The following CFAP54 variants were observed in gnomAD, a reference collection of about 807,000 sequenced individuals.
CFAP54 encodes the protein cilia- and flagella-associated protein 54.
Under a neutral mutation model 370.4 loss-of-function variants are expected in CFAP54, and 290 were observed. The observed-to-expected ratio is 0.78, with a 90% CI of 0.71 to 0.86. The LOEUF is 0.86. Among genes scored for constraint, CFAP54 ranks in the 40% least tolerant of loss-of-function variants. The probability of loss-of-function intolerance (pLI) is 0.00; values close to 1 mark genes in which losing one functional copy is unlikely to be tolerated. For synonymous variants in CFAP54, 1,206 were observed against 1,236.5 expected, an observed-to-expected ratio of 0.98 and a Z score of 0.52; for missense variants, 3,399 against 3,528.7, an observed-to-expected ratio of 0.96 and a Z score of 0.93.
At chr12:96,539,097 A>G (rs1275587524) in intron 13 of CFAP54, among the ~76,000 whole-genome samples, 13 of 80,208 alleles carry the variant, frequency 1.6e-4, no homozygotes, top group Non-Finnish European at 3.0e-4. Context: ...TTTGAGATGG[A>G]GTCTTGCTCT....
intron 20 of CFAP54, among the ~76,000 whole-genome samples, chr12:96,579,208 A>G (rs1359375169): frequency 1.4e-5 from 2 of 147,788 alleles, no homozygotes; most frequent in Non-Finnish European, 3.0e-5. Flanking sequence ...TTTCTACCCT[A>G]TTCTCCAGCT....
At chr12:96,600,443 T>G (rs111337108) in intron 26 of CFAP54, among the ~76,000 whole-genome samples, 13,444 of 152,246 alleles carry the variant, frequency 0.088, 777 homozygotes, top group Middle Eastern at 0.14. Context: ...TTGTTCTTTT[T>G]GCTTAGGATT....
chr12:96,667,730 G>T (rs889870978), intron 39 of CFAP54, among the ~76,000 whole-genome samples: 3 of 152,204 alleles, frequency 2.0e-5, no homozygotes, highest in African/African-American at 7.2e-5. Flanking sequence ...TTTCCCCATT[G>T]CCTTGGTGAG....
chr12:96,827,055 G>GATTATATATAATATGCA (rs1959125003), intron 65 of CFAP54, among the ~76,000 whole-genome samples: 2 of 137,442 alleles, frequency 1.5e-5, no homozygotes, highest in Non-Finnish European at 3.1e-5. Context: ...AATTATATGT[G>GATTATATATAATATGCA]ATTATATATA....
chr12:96,788,390 G>T (rs1010404370), intron 62 of CFAP54, among the ~76,000 whole-genome samples: 1 of 152,170 alleles, frequency 6.6e-6, no homozygotes, highest in Non-Finnish European at 1.5e-5. Flanking sequence ...ATACATATCT[G>T]TGAAATGAAT....
chr12:96,518,928 G>T lies in CFAP54; in HGVS notation c.799G>T (p.Ala267Ser). The change falls in exon 6 of 68, where the codon GCC becomes TCC. Residue 267 changes from alanine (A) to serine (S), a missense_variant and splice_region_variant. Coordinates refer to ENST00000524981, the MANE Select transcript of CFAP54 (RefSeq NM_001306084.2). ...TCCAATGGTGCCCTTTATTTTGCAG[G>T]CCTTAGAGTATCTCCTGTGGGCCAG... is the stretch of plus-strand genomic sequence containing the variant. ...KLMVIGQSSKALEYLLWASMC... is the reference protein window; with the variant it reads ...KLMVIGQSSKSLEYLLWASMC... 1.3e-6 allele frequency: 2 copies of T among 1,531,378 alleles called. No individual in the cohort carries two copies. The highest frequency in any genetic ancestry group is 1.7e-6 in the Non-Finnish European group (2 of 1,144,176). 94.9% of individuals were successfully genotyped at this position (1,531,378 alleles called of 1,614,324 possible). A position where few individuals can be genotyped will look rare whatever the true frequency, so the allele number is the denominator to read the frequency against.
intron 32 of CFAP54, among the ~76,000 whole-genome samples, chr12:96,636,558 T>A (rs569446945): frequency 6.6e-6 from 1 of 152,234 alleles, no homozygotes; most frequent in South Asian, 2.1e-4. Context: ...TTTTTAGTCT[T>A]TGCAAAGAAC....
chr12:96,811,882 A>G (rs1309374563), intron 64 of CFAP54, 40 bp downstream of exon 64: 1 of 1,215,120 alleles, frequency 8.2e-7, no homozygotes, highest in East Asian at 2.6e-5. Flanking sequence ...CTTTGTTGTT[A>G]TCTCTCACGA....
intron 66 of CFAP54, among the ~76,000 whole-genome samples, chr12:96,853,609 G>C (rs1959617487): frequency 1.3e-5 from 2 of 152,070 alleles, no homozygotes; most frequent in Non-Finnish European, 2.9e-5. Flanking sequence ...GGAAAATATA[G>C]AGCACTGTAT....
chr12:96,724,830 T>A (rs1957809736), intron 50 of CFAP54, among the ~76,000 whole-genome samples: 2 of 152,228 alleles, frequency 1.3e-5, no homozygotes, highest in Admixed American at 1.3e-4. Flanking sequence ...AAGTCTTTAA[T>A]CCATCTTGAA....
At chr12:96,781,075 G>A (rs567600492) in intron 60 of CFAP54, among the ~76,000 whole-genome samples, 1 of 152,170 alleles carries the variant, frequency 6.6e-6, no homozygotes, top group East Asian at 1.9e-4. Context: ...AGGAAGAGAG[G>A]AAAGGGCCCT....
At chr12:96,846,611 G>T (rs191569587) in intron 66 of CFAP54, among the ~76,000 whole-genome samples, 3 of 152,214 alleles carry the variant, frequency 2.0e-5, no homozygotes, top group East Asian at 1.9e-4. Flanking sequence ...TTTCTTAAGG[G>T]TCTCCTTTGG....
intron 46 of CFAP54, among the ~76,000 whole-genome samples, chr12:96,701,714 AG>A (rs1325086849): frequency 6.6e-6 from 1 of 152,150 alleles, no homozygotes; most frequent in African/African-American, 2.4e-5. Flanking sequence ...AGGTTCTAAA[AG>A]GGATGCTTGC....
At chr12:96,821,206 C>A (rs1261071265) in intron 65 of CFAP54, among the ~76,000 whole-genome samples, 3 of 152,052 alleles carry the variant, frequency 2.0e-5, no homozygotes, top group Non-Finnish European at 4.4e-5. Flanking sequence ...CCTTGGTGGG[C>A]AGATGTAGGT....
At chr12:96,623,093 G>T (rs1193917747) in intron 27 of CFAP54, among the ~76,000 whole-genome samples, 1 of 152,042 alleles carries the variant, frequency 6.6e-6, no homozygotes, top group Non-Finnish European at 1.5e-5. Context: ...GCAGAAGGTT[G>T]TGATTCTTCC....
intron 65 of CFAP54, among the ~76,000 whole-genome samples, chr12:96,821,297 G>A (rs945794960): frequency 6.6e-6 from 1 of 152,120 alleles, no homozygotes; most frequent in Non-Finnish European, 1.5e-5. Flanking sequence ...AAATGAGGTC[G>A]AGGGTATGGT....
intron 3 of CFAP54, among the ~76,000 whole-genome samples, chr12:96,506,099 G>A (rs577532684): frequency 6.6e-6 from 1 of 152,180 alleles, no homozygotes; most frequent in South Asian, 2.1e-4. Context: ...TAGCACTTTG[G>A]GAGGCCGAGG....
chr12:96,525,312 G>T (rs1372231055), intron 8 of CFAP54, among the ~76,000 whole-genome samples: 1 of 151,696 alleles, frequency 6.6e-6, no homozygotes, highest in Admixed American at 6.6e-5. Context: ...ATACTTGAAT[G>T]AGCTCATTAT....
intron 25 of CFAP54, among the ~76,000 whole-genome samples, chr12:96,596,162 C>T (rs1156467487): frequency 6.6e-6 from 1 of 152,124 alleles, no homozygotes; most frequent in Non-Finnish European, 1.5e-5. Flanking sequence ...GAAAAGAAAA[C>T]ATTAGCTATA....
Sources: gnomAD v4.1 joint callset for allele counts (sites outside exome capture counted in the v4.1 genomes callset) on GRCh38, gnomAD v4.1.1 for gene constraint, MANE v1.5 for transcripts, NCBI Gene and HGNC (gene_info 2026-07-23, HGNC 2026-07-21) for gene names.